The following PAPOLA variants were observed in gnomAD, a reference collection of about 807,000 sequenced individuals.
The protein encoded by PAPOLA is polynucleotide adenylyltransferase alpha.
A neutral mutation model predicts 100.6 loss-of-function variants in PAPOLA; 15 were observed. The ratio of observed to expected loss-of-function variants is 0.15; its 90% CI spans 0.10 to 0.23. The LOEUF is 0.23. Ranked by LOEUF, PAPOLA falls within the 10% of genes least tolerant of loss-of-function variation. The probability of loss-of-function intolerance (pLI) is 1.00; values close to 1 mark genes in which losing one functional copy is unlikely to be tolerated. For synonymous variants in PAPOLA, 293 were observed against 300.0 expected, an observed-to-expected ratio of 0.98 and a Z score of 0.24; for missense variants, 533 against 884.2, an observed-to-expected ratio of 0.60 and a Z score of 5.04.
chr14:96,512,959 A>AGACACT (rs1897204389), intron 1 of PAPOLA, among the ~76,000 whole-genome samples: 1 of 152,198 alleles, frequency 6.6e-6, no homozygotes, highest in African/African-American at 2.4e-5. Context: ...GCTCATTTCA[A>AGACACT]GCTTATTTCT....
intron 6 of PAPOLA, among the ~76,000 whole-genome samples, 193 bp from the exon 7 acceptor site, chr14:96,531,282 C>G (rs1017815025): frequency 6.6e-6 from 1 of 151,522 alleles, no homozygotes; most frequent in African/African-American, 2.4e-5. Flanking sequence ...ATTACAGGTG[C>G]GAGCCACTGT....
intron 7 of PAPOLA, chr14:96,532,026 G>A (rs1008044588): frequency 3.9e-5 from 49 of 1,247,592 alleles, no homozygotes; most frequent in Non-Finnish European, 4.7e-5. Flanking sequence ...TAAGTCTTCC[G>A]CAGTATATGT....
intron 1 of PAPOLA, among the ~76,000 whole-genome samples, chr14:96,516,148 A>G (rs149059318): frequency 6.6e-6 from 1 of 152,182 alleles, no homozygotes. Context: ...AAGTGTTACA[A>G]TATTTAATGT....
chr14:96,502,578 C>A lies in PAPOLA; in HGVS notation c.-15C>A. 6.4e-7 allele frequency: 1 copy of A among 1,558,438 alleles called. No individual in the cohort carries two copies. The highest frequency in any genetic ancestry group is 1.2e-5 in the South Asian group (1 of 84,488). ...GCGGGGGGGAAGTGACTGGGCGGTG[C>A]CGGCGCCGGAGACGATGCCGTTGTA... On this transcript the variant is annotated 5_prime_UTR_variant, in exon 1 of 22. Transcript: ENST00000216277.
chr14:96,509,025 G>C (rs1026043593), intron 1 of PAPOLA, among the ~76,000 whole-genome samples: 4 of 152,132 alleles, frequency 2.6e-5, no homozygotes, highest in Admixed American at 2.6e-4. Context: ...TGTGTGGTTA[G>C]CTCAGTTGGA....
intron 3 of PAPOLA, among the ~76,000 whole-genome samples, chr14:96,522,744 A>C (rs1898109009): frequency 6.6e-6 from 1 of 152,202 alleles, no homozygotes; most frequent in South Asian, 2.1e-4. Flanking sequence ...ACTCATACAT[A>C]CAACTCATAA....
intron 15 of PAPOLA, 179 bp from the exon 16 acceptor site, chr14:96,547,618 G>A: frequency 2.1e-6 from 1 of 476,124 alleles, no homozygotes. Context: ...CTCATCTTGT[G>A]GTAAAAGGAG....
intron 19 of PAPOLA, among the ~76,000 whole-genome samples, chr14:96,558,034 C>T (rs1214144223): frequency 1.3e-5 from 2 of 152,078 alleles, no homozygotes; most frequent in Non-Finnish European, 2.9e-5. Context: ...GGAGGGCCCA[C>T]TGTAAATAAT....
At chr14:96,525,475 A>C (rs1898382543) in intron 4 of PAPOLA, 84 bp downstream of exon 4, 1 of 617,374 alleles carries the variant, frequency 1.6e-6, no homozygotes, top group Admixed American at 3.4e-5. Context: ...CTTGTGTATC[A>C]TATAGCTTAG....
chr14:96,510,015 A>T (rs796582358), intron 1 of PAPOLA, among the ~76,000 whole-genome samples: 1 of 143,556 alleles, frequency 7.0e-6, no homozygotes, highest in African/African-American at 2.7e-5. Flanking sequence ...GGCCTGCTGA[A>T]CTGTATAGCA....
At chr14:96,518,857 G>C (rs541764614) in intron 1 of PAPOLA, among the ~76,000 whole-genome samples, 3 of 151,938 alleles carry the variant, frequency 2.0e-5, no homozygotes, top group African/African-American at 7.2e-5. Context: ...AGGAGTTCGA[G>C]AGCAGCCTGG....
chr14:96,534,603 C>T, intron 10 of PAPOLA, 40 bp downstream of exon 10: 2 of 1,612,998 alleles, frequency 1.2e-6, no homozygotes, highest in African/African-American at 1.3e-5. Flanking sequence ...TCACACTGTG[C>T]AATAACAAGT....
At chr14:96,552,817 A>AT in intron 17 of PAPOLA, 195 bp downstream of exon 17, 1 of 547,094 alleles carries the variant, frequency 1.8e-6, no homozygotes, top group South Asian at 2.4e-5. Flanking sequence ...TTAACATTTT[A>AT]TTTTTGAGAC....
At chr14:96,522,112 C>CTTTTTTTTTTTTTTT (rs1350167869) in intron 3 of PAPOLA, among the ~76,000 whole-genome samples, 14 of 98,710 alleles carry the variant, frequency 1.4e-4, no homozygotes, top group African/African-American at 4.1e-4. Context: ...CTCTTTCTTT[C>CTTTTTTTTTTTTTTT]TTTCTTTTTT....
chr14:96,563,521 C>G (rs924280718), intron 21 of PAPOLA, among the ~76,000 whole-genome samples: 1 of 152,060 alleles, frequency 6.6e-6, no homozygotes, highest in African/African-American at 2.4e-5. Context: ...AGCTCAAATT[C>G]TGACACAAAG....
chr14:96,564,108 A>G (rs919359693), intron 21 of PAPOLA, among the ~76,000 whole-genome samples: 2 of 152,086 alleles, frequency 1.3e-5, no homozygotes, highest in Admixed American at 1.3e-4. Flanking sequence ...ATCTTTGGTA[A>G]TGTTAGGGGC....
intron 1 of PAPOLA, among the ~76,000 whole-genome samples, chr14:96,514,655 T>C (rs569646146): frequency 6.6e-6 from 1 of 152,352 alleles, no homozygotes; most frequent in South Asian, 2.1e-4. Context: ...TTATCCTAAT[T>C]AGAGTCATCT....
At chr14:96,540,526 A>G (rs1899895217) in intron 12 of PAPOLA, among the ~76,000 whole-genome samples, 1 of 151,702 alleles carries the variant, frequency 6.6e-6, no homozygotes, top group South Asian at 2.1e-4. Flanking sequence ...AACTCCGAGT[A>G]TGGGTTTTTC....
intron 20 of PAPOLA, among the ~76,000 whole-genome samples, chr14:96,561,341 TC>T (rs1414975950): frequency 6.6e-6 from 1 of 152,116 alleles, no homozygotes; most frequent in Non-Finnish European, 1.5e-5. Context: ...TTGGAAATTC[TC>T]CCCCTTCTCC....
Sources: gnomAD v4.1 joint callset for allele counts (sites outside exome capture counted in the v4.1 genomes callset) on GRCh38, gnomAD v4.1.1 for gene constraint, MANE v1.5 for transcripts, NCBI Gene and HGNC (gene_info 2026-07-23, HGNC 2026-07-21) for gene names.